The following SYT14 variants were observed in gnomAD, a reference collection of about 807,000 sequenced individuals.
SYT14 encodes synaptotagmin-14.
Under a neutral mutation model 74.2 loss-of-function variants are expected in SYT14, and 32 were observed. The observed-to-expected ratio is 0.43, with a 90% CI of 0.33 to 0.58. SYT14 has a LOEUF of 0.58. Among genes scored for constraint, SYT14 ranks in the 20% least tolerant of loss-of-function variants. The probability of loss-of-function intolerance (pLI) is 0.05; values close to 1 mark genes in which losing one functional copy is unlikely to be tolerated. For synonymous variants in SYT14, 298 were observed against 337.7 expected, an observed-to-expected ratio of 0.88 and a Z score of 1.29; for missense variants, 791 against 981.8, an observed-to-expected ratio of 0.81 and a Z score of 2.60.
At chr1:209,991,483 C>G (rs2079684909) in intron 2 of SYT14, among the ~76,000 whole-genome samples, 1 of 152,112 alleles carries the variant, frequency 6.6e-6, no homozygotes, top group Non-Finnish European at 1.5e-5. Flanking sequence ...AATGCACAGA[C>G]ATTTTGCAAA....
intron 7 of SYT14, among the ~76,000 whole-genome samples, chr1:210,142,593 T>C (rs566208124): frequency 2.6e-5 from 4 of 152,264 alleles, no homozygotes; most frequent in African/African-American, 9.6e-5. Flanking sequence ...TGTGATGAGC[T>C]GATCCAAAAT....
At chr1:210,136,230 A>C (rs1034530915) in intron 7 of SYT14, among the ~76,000 whole-genome samples, 10 of 152,050 alleles carry the variant, frequency 6.6e-5, no homozygotes, top group African/African-American at 1.7e-4. Flanking sequence ...TTTCACAGGA[A>C]GTTGAGGAAG....
intron 2 of SYT14, among the ~76,000 whole-genome samples, chr1:209,987,795 A>C (rs1342301788): frequency 1.3e-5 from 2 of 152,190 alleles, no homozygotes; most frequent in Non-Finnish European, 2.9e-5. Context: ...ATAGTGTGCC[A>C]CTTGTTCTAT....
chr1:210,160,530 T>G (rs1287342299), intron 9 of SYT14, among the ~76,000 whole-genome samples, 199 bp from the exon 9 acceptor site: 2 of 152,100 alleles, frequency 1.3e-5, no homozygotes, highest in African/African-American at 2.4e-5. Context: ...ACCAAAATAT[T>G]TTTGGCCTAT....
intron 5 of SYT14, among the ~76,000 whole-genome samples, chr1:210,075,586 G>C (rs1572256355): frequency 6.6e-6 from 1 of 151,728 alleles, no homozygotes. Context: ...GCCTGCCTCG[G>C]CCTCCCAAAG....
intron 5 of SYT14, among the ~76,000 whole-genome samples, chr1:210,060,278 G>A (rs1461652059): frequency 6.6e-6 from 1 of 152,064 alleles, no homozygotes; most frequent in Non-Finnish European, 1.5e-5. Flanking sequence ...TCTAAGGTAA[G>A]GTCCATTCCA....
chr1:209,948,403 T>A (rs2078856419), intron 1 of SYT14, among the ~76,000 whole-genome samples: 1 of 152,224 alleles, frequency 6.6e-6, no homozygotes, highest in South Asian at 2.1e-4. Context: ...ACACCCCTTA[T>A]GCCAATTGTA....
intron 6 of SYT14, 95 bp downstream of exon 5, chr1:210,094,688 C>A: frequency 3.6e-6 from 5 of 1,388,786 alleles, no homozygotes; most frequent in Non-Finnish European, 5.1e-6. Context: ...GATTTTATCA[C>A]TTATTCCTTT....
chr1:210,062,716 A>G (rs1197479322), intron 5 of SYT14, among the ~76,000 whole-genome samples: 2 of 151,900 alleles, frequency 1.3e-5, no homozygotes, highest in East Asian at 1.9e-4. Flanking sequence ...AGTTCATTCT[A>G]ACTACAATCT....
chr1:210,103,322 G>A (rs1459179353), intron 7 of SYT14, among the ~76,000 whole-genome samples: 2 of 151,850 alleles, frequency 1.3e-5, no homozygotes, highest in Non-Finnish European at 1.5e-5. Context: ...AGGCCGAGGT[G>A]GGCAGATCAT....
chr1:209,981,190 A>G (rs1012893112), intron 2 of SYT14, among the ~76,000 whole-genome samples: 3 of 151,652 alleles, frequency 2.0e-5, no homozygotes, highest in African/African-American at 7.3e-5. Context: ...TGTAGTTTTT[A>G]TTGTGTGGAA....
At chr1:209,997,903 A>G (rs1403641416) in intron 2 of SYT14, among the ~76,000 whole-genome samples, 3 of 152,170 alleles carry the variant, frequency 2.0e-5, no homozygotes, top group Admixed American at 1.3e-4. Context: ...TTAAGAATTC[A>G]ACATTCTTCT....
intron 5 of SYT14, among the ~76,000 whole-genome samples, chr1:210,033,011 G>A (rs962071127): frequency 1.3e-5 from 2 of 151,262 alleles, no homozygotes; most frequent in East Asian, 1.9e-4. Flanking sequence ...TACTGCTGTC[G>A]TACAAACTAG....
chr1:210,003,611 GA>G (rs2079940037), intron 2 of SYT14, among the ~76,000 whole-genome samples: 1 of 151,952 alleles, frequency 6.6e-6, no homozygotes, highest in South Asian at 2.1e-4. Flanking sequence ...TCTAGGCCCT[GA>G]AAAAAGACAA....
At chr1:209,989,941 G>T (rs2079635985) in intron 2 of SYT14, among the ~76,000 whole-genome samples, 1 of 151,864 alleles carries the variant, frequency 6.6e-6, no homozygotes, top group South Asian at 2.1e-4. Context: ...CTATATATTG[G>T]TCTGACTTTT....
At chr1:210,135,606 T>C (rs2102653189) in intron 7 of SYT14, among the ~76,000 whole-genome samples, 1 of 152,316 alleles carries the variant, frequency 6.6e-6, no homozygotes, top group East Asian at 1.9e-4. Context: ...TTTTCCTTAA[T>C]ATGGGTTTTA....
chr1:210,006,117 C>A (rs2079983575), intron 2 of SYT14, among the ~76,000 whole-genome samples: 2 of 151,930 alleles, frequency 1.3e-5, no homozygotes, highest in Admixed American at 6.5e-5. Context: ...TCTATGCCTT[C>A]TTCCATTGTC....
At chr1:210,130,728 A>G (rs2082656697) in intron 7 of SYT14, among the ~76,000 whole-genome samples, 1 of 152,252 alleles carries the variant, frequency 6.6e-6, no homozygotes, top group African/African-American at 2.4e-5. Flanking sequence ...TGCTATTTCT[A>G]TAGCCATTAA....
At chr1:209,968,154 G>A (rs903656723) in intron 2 of SYT14, among the ~76,000 whole-genome samples, 7 of 152,070 alleles carry the variant, frequency 4.6e-5, no homozygotes, top group African/African-American at 1.7e-4. Flanking sequence ...AAGTTCACTG[G>A]GACTGTGACA....
Sources: allele counts gnomAD v4.1 joint callset (sites outside exome capture counted in the v4.1 genomes callset), GRCh38; gene constraint gnomAD v4.1.1; transcripts MANE v1.5; gene names NCBI Gene and HGNC (gene_info 2026-07-23, HGNC 2026-07-21).